GRID2: variants seen among roughly 807,000 people sequenced by gnomAD.
The protein encoded by GRID2 is glutamate ionotropic receptor delta type subunit 2, also known as glutamate receptor ionotropic, delta-2.
Under a neutral mutation model 114.8 loss-of-function variants are expected in GRID2, and 33 were observed. That is an observed-to-expected ratio of 0.29 (90% CI 0.22 to 0.38). The LOEUF (loss-of-function observed/expected upper bound fraction) is 0.38, where lower values mean the gene tolerates loss of function less well. Among genes scored for constraint, GRID2 ranks in the 10% least tolerant of loss-of-function variants. The pLI, the probability that GRID2 is intolerant of heterozygous loss-of-function variation, is 1.00. For synonymous variants in GRID2, 505 were observed against 449.9 expected (o/e 1.12, Z -1.55); for missense variants, 1,184 against 1,257.7 (o/e 0.94, Z 0.89).
rs145933892 is a variant in GRID2 at position 93,561,043 on chromosome 4, A to G, written c.2193+45632A>G. Among the ~76,000 whole-genome samples the G allele has an allele frequency of 1.1e-4, 17 of 152,196 alleles. 1 individual carries two copies. In the East Asian group the frequency reaches 3.1e-3, roughly 28 times the overall value. ...TTAGGTTTTCTCTGAGCATTTAAATATATCCTTTTTGGTGTTTATTTTTTA... is the reference window on the plus strand; with the variant it reads ...TTAGGTTTTCTCTGAGCATTTAAATGTATCCTTTTTGGTGTTTATTTTTTA... On this transcript the variant is annotated intron_variant, in intron 13 of 15. Coordinates refer to ENST00000282020, the MANE Select transcript of GRID2 (RefSeq NM_001510.4).
At chr4:92,769,072 C>G (rs989118525) in intron 2 of GRID2, among the ~76,000 whole-genome samples, 1 of 152,152 alleles carries the variant, frequency 6.6e-6, no homozygotes, top group African/African-American at 2.4e-5. Flanking sequence ...TGCCTATGAG[C>G]CTGTGAAATT....
chr4:93,618,161 A>G (rs765219836), intron 13 of GRID2, among the ~76,000 whole-genome samples: 22 of 152,132 alleles, frequency 1.4e-4, no homozygotes, highest in East Asian at 1.9e-4. Context: ...CATCTATTCA[A>G]TACTTTGGTT....
chr4:92,980,772 A>T (rs1404973870), intron 2 of GRID2, among the ~76,000 whole-genome samples: 2 of 152,158 alleles, frequency 1.3e-5, no homozygotes, highest in Non-Finnish European at 2.9e-5. Context: ...AAAGCATTGA[A>T]ACTCATTTCA....
At chr4:92,989,300 A>AAAAAAAAAT (rs1553962743) in intron 2 of GRID2, among the ~76,000 whole-genome samples, 1 of 92,266 alleles carries the variant, frequency 1.1e-5, no homozygotes, top group African/African-American at 4.4e-5. Context: ...AAAAAAAAAA[A>AAAAAAAAAT]AATAATAATA....
At chr4:93,257,500 A>G (rs1222175670) in intron 8 of GRID2, among the ~76,000 whole-genome samples, 1 of 151,724 alleles carries the variant, frequency 6.6e-6, no homozygotes. Context: ...TATACAGACT[A>G]TTAACTTTAC....
intron 2 of GRID2, among the ~76,000 whole-genome samples, chr4:92,625,712 T>C (rs1274765058): frequency 6.6e-6 from 1 of 151,944 alleles, no homozygotes; most frequent in Non-Finnish European, 1.5e-5. Flanking sequence ...GGCTAATAAA[T>C]GTAAAGCATT....
intron 1 of GRID2, among the ~76,000 whole-genome samples, chr4:92,528,299 GTATATA>G (rs70942904): frequency 6.8e-6 from 1 of 147,950 alleles, no homozygotes; most frequent in Non-Finnish European, 1.5e-5. Context: ...TATATTTTGA[GTATATA>G]TATATATGTA....
intron 8 of GRID2, among the ~76,000 whole-genome samples, chr4:93,311,332 C>T (rs941104833): frequency 6.6e-6 from 1 of 152,148 alleles, no homozygotes; most frequent in Non-Finnish European, 1.5e-5. Context: ...TGTCATTTTC[C>T]AGTGGCTGTC....
chr4:92,398,473 G>A (rs1226439576), intron 1 of GRID2, among the ~76,000 whole-genome samples: 1 of 151,906 alleles, frequency 6.6e-6, no homozygotes, highest in Non-Finnish European at 1.5e-5. Flanking sequence ...GCTAGCTTTT[G>A]AATTTTTGGT....
chr4:93,738,940 A>G (rs1731149005), intron 14 of GRID2, among the ~76,000 whole-genome samples: 1 of 152,116 alleles, frequency 6.6e-6, no homozygotes, highest in African/African-American at 2.4e-5. Context: ...AAGACTGAGA[A>G]AAACAGAGTT....
chr4:92,880,823 G>A (rs1016358607), intron 2 of GRID2, among the ~76,000 whole-genome samples: 1 of 152,128 alleles, frequency 6.6e-6, no homozygotes. Context: ...CCGGGTTCAA[G>A]TGATTCTACT....
At chr4:93,053,044 A>T (rs1280653473) in intron 2 of GRID2, among the ~76,000 whole-genome samples, 1 of 151,880 alleles carries the variant, frequency 6.6e-6, no homozygotes, top group African/African-American at 2.4e-5. Flanking sequence ...TCGGTGGAAG[A>T]AATGTACTCC....
At chr4:93,792,922 C>T (rs1393939891) in intron 1 of GRID2, among the ~76,000 whole-genome samples, 1 of 152,132 alleles carries the variant, frequency 6.6e-6, no homozygotes, top group African/African-American at 2.4e-5. Flanking sequence ...TCCACTGCTC[C>T]AGGTAGGACG....
chr4:93,149,743 C>T (rs1247018745), intron 4 of GRID2, among the ~76,000 whole-genome samples: 1 of 151,894 alleles, frequency 6.6e-6, no homozygotes, highest in Non-Finnish European at 1.5e-5. Context: ...AAATGATTCT[C>T]CTGCCTCAGC....
chr4:93,248,338 CAGAT>C (rs1231684671), intron 8 of GRID2, among the ~76,000 whole-genome samples: 2 of 152,122 alleles, frequency 1.3e-5, no homozygotes, highest in Non-Finnish European at 2.9e-5. Flanking sequence ...TTTTAAGTGA[CAGAT>C]AGTGAAGGTT....
rs1374257969 is a variant in GRID2, at chr4:93,092,219, T to G, written c.529+6940T>G. The stretch of plus-strand genomic sequence containing the variant: ...AGTTCCTTGACTACCAGGCCATTGT[T>G]GAGCATCTTTTGCATACATTTGTCA... On this transcript the variant is annotated intron_variant, in intron 3 of 15. Coordinates refer to ENST00000282020, the MANE Select transcript of GRID2 (RefSeq NM_001510.4). Among the ~76,000 whole-genome samples the G allele has an allele frequency of 4.3e-4, 65 of 152,244 alleles. 1 individual carries two copies. The highest frequency in any genetic ancestry group is 4.1e-3 in the Admixed American group (63 of 15,266).
At chr4:92,439,632 G>A (rs10210962) in intron 1 of GRID2, among the ~76,000 whole-genome samples, 1,917 of 138,882 alleles carry the variant, frequency 0.014, 100 homozygotes, top group African/African-American at 0.044. Context: ...AACATTTGTC[G>A]TATAGAATGA....
rs142914660 is a variant in GRID2, at chr4:92,474,088, A to T, written c.89-116043A>T. 6.6e-5 allele frequency among the ~76,000 whole-genome samples: 10 copies of T among 151,948 alleles called. No homozygotes were observed. The East Asian group carries it at 1.9e-3, about 29-fold the overall frequency. Reference sequence around the variant, plus strand: ...TATAAAATACATTATAATTAACTGTAGTCAACATGTTAAAAATTATGTCTC... The same window carrying T: ...TATAAAATACATTATAATTAACTGTTGTCAACATGTTAAAAATTATGTCTC... On this transcript the variant is annotated intron_variant, in intron 1 of 15. Transcript: ENST00000282020.
intron 8 of GRID2, among the ~76,000 whole-genome samples, chr4:93,379,485 A>T (rs1039655807): frequency 3.3e-5 from 5 of 152,076 alleles, no homozygotes; most frequent in Admixed American, 6.6e-5. Context: ...AAGGGGAGAG[A>T]TCTTTTCCTA....
Sources: allele counts gnomAD v4.1 joint callset (sites outside exome capture counted in the v4.1 genomes callset), GRCh38; gene constraint gnomAD v4.1.1; transcripts MANE v1.5; gene names NCBI Gene and HGNC (gene_info 2026-07-23, HGNC 2026-07-21).